Variants in SGMS2 observed in about 807,000 individuals in gnomAD.
SGMS2 encodes the protein sphingomyelin synthase 2, also known as phosphatidylcholine:ceramide cholinephosphotransferase 2.
In SGMS2, 21 loss-of-function variants were observed where a neutral mutation model predicts 43.8. The observed-to-expected ratio is 0.48, with a 90% CI of 0.34 to 0.69. The LOEUF (loss-of-function observed/expected upper bound fraction) is 0.69. SGMS2 is among the 30% of genes least tolerant of loss of function. The pLI is 0.01. For missense variants in SGMS2, 384 were observed against 443.2 expected (o/e 0.87, Z 1.20); for synonymous variants, 167 against 160.6 (o/e 1.04, Z -0.30).
chr4:107,886,018 C>T (rs999580128), intron 2 of SGMS2, among the ~76,000 whole-genome samples: 14 of 152,032 alleles, frequency 9.2e-5, no homozygotes, highest in African/African-American at 2.4e-4. Context: ...GGTTATTATA[C>T]CAGTAAAGAT....
intron 2 of SGMS2, among the ~76,000 whole-genome samples, chr4:107,865,531 T>A (rs1288529820): frequency 6.6e-6 from 1 of 152,228 alleles, no homozygotes; most frequent in Non-Finnish European, 1.5e-5. Flanking sequence ...TTCCTAATTT[T>A]GAATCTGCAT....
chr4:107,865,262 C>T (rs927334448), intron 2 of SGMS2, among the ~76,000 whole-genome samples: 2 of 152,180 alleles, frequency 1.3e-5, no homozygotes, highest in African/African-American at 4.8e-5. Context: ...CTGGAATAGT[C>T]TGCAACCCAG....
chr4:107,905,535 A>G (rs2126150180), intron 5 of SGMS2, among the ~76,000 whole-genome samples: 1 of 152,320 alleles, frequency 6.6e-6, no homozygotes, highest in East Asian at 1.9e-4. Context: ...TGATCCTTAC[A>G]ACCACCCTCT....
At chr4:107,828,294 C>T (rs1052380709) in intron 1 of SGMS2, among the ~76,000 whole-genome samples, 1 of 152,154 alleles carries the variant, frequency 6.6e-6, no homozygotes, top group African/African-American at 2.4e-5. Context: ...TTGCTTTATA[C>T]ATCAAATCTC....
At chr4:107,842,904 T>C (rs1726604838) in intron 1 of SGMS2, among the ~76,000 whole-genome samples, 1 of 152,224 alleles carries the variant, frequency 6.6e-6, no homozygotes, top group African/African-American at 2.4e-5. Context: ...ATTATGAAAC[T>C]ACATTCAGAA....
At chr4:107,835,858 A>G (rs1578501224) in intron 1 of SGMS2, among the ~76,000 whole-genome samples, 1 of 152,140 alleles carries the variant, frequency 6.6e-6, no homozygotes, top group East Asian at 1.9e-4. Flanking sequence ...CAAAGAGCAG[A>G]CTCCGGACCA....
intron 2 of SGMS2, among the ~76,000 whole-genome samples, chr4:107,875,742 T>C (rs1281091459): frequency 6.6e-6 from 1 of 152,226 alleles, no homozygotes; most frequent in East Asian, 1.9e-4. Flanking sequence ...ATGGTCTACA[T>C]TGTTTATTAC....
Position 107,833,537 on chromosome 4 carries a change from A to C in SGMS2, c.-327+8284A>C, listed in dbSNP as rs80094400. On this transcript the variant is annotated intron_variant, in intron 1 of 6. Coordinates refer to ENST00000690982, the MANE Select transcript of SGMS2 (RefSeq NM_001375905.1). ...TAACGTCACATGATGGGTCGTAGTT[A>C]AAACAGTCAAAACTTTGTTTCATGC... is the stretch of plus-strand genomic sequence containing the variant. Among the ~76,000 whole-genome samples the C allele has an allele frequency of 6.8e-3, 1,039 of 152,336 alleles. 17 individuals are homozygous for C. The highest frequency in any genetic ancestry group is 0.034 in the Admixed American group (522 of 15,300).
At chr4:107,881,535 TACAGTGTGTA>T (rs1420262688) in intron 2 of SGMS2, among the ~76,000 whole-genome samples, 2 of 152,260 alleles carry the variant, frequency 1.3e-5, no homozygotes, top group South Asian at 2.1e-4. Context: ...GATACAGGCA[TACAGTGTGTA>T]ATAATCAAAT....
chr4:107,826,801 A>T (rs534620798), intron 1 of SGMS2, among the ~76,000 whole-genome samples: 2 of 152,356 alleles, frequency 1.3e-5, no homozygotes, highest in East Asian at 3.9e-4. Context: ...GCAGAATCTC[A>T]TAAAAGCCCT....
Position 107,846,996 on chromosome 4 carries a change from GTAGATTC to G in SGMS2, c.-326-11474_-326-11468del, listed in dbSNP as rs200248837. ...TCTTGTAAATTTGTTTGAGCTCATT[GTAGATTC>G]TGGATATTAGCCCTTTGTCAGATGA... On this transcript the variant is annotated intron_variant, in intron 1 of 6. Coordinates refer to ENST00000690982, the MANE Select transcript of SGMS2 (RefSeq NM_001375905.1). Among the ~76,000 whole-genome samples the G allele has an allele frequency of 5.9e-5, 9 of 152,238 alleles. No homozygotes were observed. The East Asian group carries it at 1.7e-3, about 29-fold the overall frequency.
At chr4:107,847,873 T>C (rs1364769826) in intron 1 of SGMS2, among the ~76,000 whole-genome samples, 1 of 152,158 alleles carries the variant, frequency 6.6e-6, no homozygotes, top group African/African-American at 2.4e-5. Context: ...TACCCCTCAG[T>C]TTCCCACATT....
chr4:107,870,593 A>C (rs972682625), intron 2 of SGMS2, among the ~76,000 whole-genome samples: 4 of 152,176 alleles, frequency 2.6e-5, no homozygotes, highest in Non-Finnish European at 4.4e-5. Flanking sequence ...TGCCAATTTT[A>C]AGATTTCCTC....
At chr4:107,835,948 T>C (rs1726145642) in intron 1 of SGMS2, among the ~76,000 whole-genome samples, 1 of 152,208 alleles carries the variant, frequency 6.6e-6, no homozygotes, top group Admixed American at 6.5e-5. Context: ...GAGCCATACA[T>C]GATAGCCATT....
chr4:107,870,226 G>C (rs1031183096), intron 2 of SGMS2, among the ~76,000 whole-genome samples: 1 of 152,152 alleles, frequency 6.6e-6, no homozygotes, highest in African/African-American at 2.4e-5. Context: ...CTGTTGATTT[G>C]TTTGGACTTA....
chr4:107,884,818 A>G (rs1315944590), intron 2 of SGMS2, among the ~76,000 whole-genome samples: 1 of 152,176 alleles, frequency 6.6e-6, no homozygotes, highest in Non-Finnish European at 1.5e-5. Flanking sequence ...GTATGAAACC[A>G]AACTATGCTA....
intron 2 of SGMS2, among the ~76,000 whole-genome samples, chr4:107,870,978 A>C (rs1218028171): frequency 6.6e-6 from 1 of 152,240 alleles, no homozygotes; most frequent in African/African-American, 2.4e-5. Flanking sequence ...CTAATTGAAC[A>C]TTGAGTTTGT....
chr4:107,852,509 A>G, intron 1 of SGMS2, among the ~76,000 whole-genome samples: 1 of 152,306 alleles, frequency 6.6e-6, no homozygotes, highest in South Asian at 2.1e-4. Context: ...AGTCATCTAT[A>G]AATCTATTAT....
intron 2 of SGMS2, among the ~76,000 whole-genome samples, chr4:107,887,523 A>G (rs759067005): frequency 5.3e-5 from 8 of 152,212 alleles, no homozygotes; most frequent in East Asian, 1.9e-4. Flanking sequence ...ATATTTGACA[A>G]TGCTTTCTGC....
Sources: allele counts gnomAD v4.1 joint callset (sites outside exome capture counted in the v4.1 genomes callset), GRCh38; gene constraint gnomAD v4.1.1; transcripts MANE v1.5; gene names NCBI Gene and HGNC (gene_info 2026-07-23, HGNC 2026-07-21).